DLGAP2: variants seen among roughly 807,000 people sequenced by gnomAD.
DLGAP2 encodes disks large-associated protein 2.
In DLGAP2, 26 loss-of-function variants were observed where a neutral mutation model predicts 100.3. That is an observed-to-expected ratio of 0.26 (90% CI 0.19 to 0.36). The LOEUF (loss-of-function observed/expected upper bound fraction) is 0.36, where lower values mean the gene tolerates loss of function less well. Among genes scored for constraint, DLGAP2 ranks in the 10% least tolerant of loss-of-function variants. The pLI is 1.00. For missense variants in DLGAP2, 1,858 were observed against 1,453.2 expected, an observed-to-expected ratio of 1.28 and a Z score of -4.53; for synonymous variants, 886 against 630.1, an observed-to-expected ratio of 1.41 and a Z score of -6.08.
chr8:899,753 A>G (rs1347558555), intron 1 of DLGAP2, among the ~76,000 whole-genome samples: 3 of 152,214 alleles, frequency 2.0e-5, no homozygotes, highest in Admixed American at 6.5e-5. Context: ...TTAATTGAGT[A>G]TATATTAATG....
chr8:739,336 G>C (rs1820421623), intron 1 of DLGAP2: 1 of 152,312 alleles, frequency 6.6e-6, no homozygotes. Context: ...CGCCCTGTCA[G>C]GAGGAATCTC....
intron 1 of DLGAP2, among the ~76,000 whole-genome samples, chr8:782,724 C>T (rs1175814766): frequency 6.6e-6 from 1 of 152,190 alleles, no homozygotes; most frequent in East Asian, 1.9e-4. Flanking sequence ...CTTTTGCACT[C>T]TTTCTTTACA....
intron 6 of DLGAP2, among the ~76,000 whole-genome samples, chr8:1,582,015 A>G (rs988859753): frequency 2.0e-5 from 3 of 151,724 alleles, no homozygotes; most frequent in Non-Finnish European, 4.4e-5. Context: ...AGTGAAGGAT[A>G]CAGAAAAAAC....
intron 2 of DLGAP2, among the ~76,000 whole-genome samples, chr8:1,199,582 C>G (rs1408134024): frequency 6.6e-6 from 1 of 152,124 alleles, no homozygotes; most frequent in African/African-American, 2.4e-5. Context: ...AAGTAATGAC[C>G]TCGGGAAACA....
intron 2 of DLGAP2, among the ~76,000 whole-genome samples, chr8:1,127,253 T>C (rs972368287): frequency 6.6e-6 from 1 of 151,652 alleles, no homozygotes; most frequent in Non-Finnish European, 1.5e-5. Context: ...TTGAAGATTT[T>C]TGTAGCTGGG....
At chr8:1,210,071 G>A (rs770165225) in intron 2 of DLGAP2, among the ~76,000 whole-genome samples, 1 of 152,214 alleles carries the variant, frequency 6.6e-6, no homozygotes, top group African/African-American at 2.4e-5. Context: ...GAGCCTAAGA[G>A]CCTGTGATTG....
intron 3 of DLGAP2, among the ~76,000 whole-genome samples, chr8:1,479,347 C>G (rs185921935): frequency 6.6e-6 from 1 of 152,324 alleles, no homozygotes; most frequent in Admixed American, 6.5e-5. Context: ...TTTCATCCCT[C>G]AGGCACTCTG....
chr8:1,042,810 T>G (rs1585006966), intron 2 of DLGAP2, among the ~76,000 whole-genome samples: 1 of 83,254 alleles, frequency 1.2e-5, no homozygotes, highest in African/African-American at 4.5e-5. Flanking sequence ...TGGGTGTGGG[T>G]GGTGGATGTG....
intron 2 of DLGAP2, among the ~76,000 whole-genome samples, chr8:1,185,709 TCACA>T (rs879332226): frequency 9.3e-4 from 81 of 87,262 alleles, no homozygotes; most frequent in African/African-American, 3.4e-3. Context: ...ACACTCACAC[TCACA>T]CACACACACA....
At chr8:1,053,965 C>T (rs1353541910) in intron 2 of DLGAP2, among the ~76,000 whole-genome samples, 1 of 152,038 alleles carries the variant, frequency 6.6e-6, no homozygotes, top group East Asian at 1.9e-4. Flanking sequence ...TTATTTGGGT[C>T]TTTTTGTGTA....
intron 2 of DLGAP2, among the ~76,000 whole-genome samples, chr8:945,635 G>C (rs1293936703): frequency 6.6e-6 from 1 of 152,086 alleles, no homozygotes; most frequent in South Asian, 2.1e-4. Flanking sequence ...CCCCCAAAAA[G>C]CCTATTGAGC....
chr8:1,255,907 CTCCTGCCCAGGTGCTGTGTG>C (rs1799195771), intron 2 of DLGAP2, among the ~76,000 whole-genome samples: 1 of 126,072 alleles, frequency 7.9e-6, no homozygotes. Context: ...TGTGTGTCTT[CTCCTGCCCAGGTGCTGTGTG>C]TGTGTCCTCT....
chr8:1,509,467 A>T (rs1800080015), intron 4 of DLGAP2, among the ~76,000 whole-genome samples: 1 of 152,072 alleles, frequency 6.6e-6, no homozygotes, highest in South Asian at 2.1e-4. Context: ...TATACGTCTT[A>T]TTGTGGAATA....
chr8:1,183,830 G>T, intron 2 of DLGAP2, among the ~76,000 whole-genome samples: 1 of 152,196 alleles, frequency 6.6e-6, no homozygotes, highest in Non-Finnish European at 1.5e-5. Flanking sequence ...TTCAGGCAGA[G>T]AACGTACTGC....
chr8:821,483 A>G (rs773300753), intron 1 of DLGAP2, among the ~76,000 whole-genome samples: 5 of 152,232 alleles, frequency 3.3e-5, no homozygotes, highest in South Asian at 2.1e-4. Flanking sequence ...ATGCATTAGT[A>G]TGCCATGGAA....
chr8:1,040,140 C>T (rs1217676069), intron 2 of DLGAP2, among the ~76,000 whole-genome samples: 8 of 142,464 alleles, frequency 5.6e-5, no homozygotes, highest in African/African-American at 8.0e-5. Flanking sequence ...GTGGTCAGCT[C>T]GCTGCACGTG....
intron 3 of DLGAP2, among the ~76,000 whole-genome samples, chr8:1,475,102 A>T (rs1021939613): frequency 6.6e-6 from 1 of 152,170 alleles, no homozygotes; most frequent in East Asian, 1.9e-4. Context: ...AGTCAGAGTC[A>T]CTATCCTAAG....
At chr8:764,947 G>A (rs1477285302) in intron 1 of DLGAP2, among the ~76,000 whole-genome samples, 1 of 152,186 alleles carries the variant, frequency 6.6e-6, no homozygotes, top group Admixed American at 6.5e-5. Flanking sequence ...TGATTCCTCA[G>A]CAACCAGAAT....
At chr8:1,552,842 A>G (rs1801815618) in intron 5 of DLGAP2, among the ~76,000 whole-genome samples, 1 of 152,044 alleles carries the variant, frequency 6.6e-6, no homozygotes, top group Non-Finnish European at 1.5e-5. Context: ...TCTTGTTTTT[A>G]AGTAGGTCAA....
Sources: gnomAD v4.1 joint callset for allele counts (sites outside exome capture counted in the v4.1 genomes callset) on GRCh38, gnomAD v4.1.1 for gene constraint, MANE v1.5 for transcripts, NCBI Gene and HGNC (gene_info 2026-07-23, HGNC 2026-07-21) for gene names.